Variants in ZMYM4 observed in about 807,000 individuals in gnomAD.
ZMYM4 encodes zinc finger MYM-type protein 4.
Under a neutral mutation model 183.2 loss-of-function variants are expected in ZMYM4, and 31 were observed. The ratio of observed to expected loss-of-function variants is 0.17; its 90% confidence interval spans 0.13 to 0.23. ZMYM4 has a LOEUF of 0.23. Among genes scored for constraint, ZMYM4 ranks in the 10% least tolerant of loss-of-function variants. ZMYM4 has a pLI of 1.00. For synonymous variants in ZMYM4, 592 were observed against 631.2 expected, an observed-to-expected ratio of 0.94 and a Z score of 0.93; for missense variants, 1,273 against 1,840.3, an observed-to-expected ratio of 0.69 and a Z score of 5.64.
chr1:35,385,295 T>C, intron 9 of ZMYM4, 147 bp from the exon 10 acceptor site: 1 of 860,310 alleles, frequency 1.2e-6, no homozygotes, highest in Non-Finnish European at 1.7e-6. Flanking sequence ...ATGTGTACCA[T>C]GAAACTTCCT....
At chr1:35,378,617 A>T (rs1558122474) in intron 7 of ZMYM4, among the ~76,000 whole-genome samples, 1 of 152,206 alleles carries the variant, frequency 6.6e-6, no homozygotes, top group Non-Finnish European at 1.5e-5. Flanking sequence ...AGTTAAAAGT[A>T]GAAGCTGGTG....
chr1:35,382,450 T>G (rs1194027993), intron 9 of ZMYM4, among the ~76,000 whole-genome samples: 1 of 150,890 alleles, frequency 6.6e-6, no homozygotes, highest in Non-Finnish European at 1.5e-5. Flanking sequence ...GTTTTTAGAG[T>G]GTGGCTTTTT....
At position 35,397,404 on chromosome 1, in the gene ZMYM4, T is replaced by G; in HGVS notation, c.3058T>G (p.Ser1020Ala). The G allele has an allele frequency of 1.2e-6, 2 of 1,610,006 alleles. No individual in the cohort carries two copies. The highest frequency in any genetic ancestry group is 1.7e-6 in the Non-Finnish European group (2 of 1,178,220). Reference protein sequence around the residue: ...PMPVPMLIPSSMDSEDKVTES... With the variant: ...PMPVPMLIPSAMDSEDKVTES... Reference sequence around the variant, plus strand: ...GCCTGTCCCTATGCTTATTCCATCTTCAATGGATAGTGAAGATAAAGTCAC... The same window carrying G: ...GCCTGTCCCTATGCTTATTCCATCTGCAATGGATAGTGAAGATAAAGTCAC... Residue 1020 changes from serine to alanine, a missense_variant, in exon 20 of 30, where the codon TCA becomes GCA. Around this residue, in one of 6 missense-constraint regions of ZMYM4, gnomAD observed 290 missense variants for 353.3 expected, o/e 0.82. Transcript: ENST00000314607.
chr1:35,280,000 T>C (rs1007594112), intron 1 of ZMYM4, among the ~76,000 whole-genome samples: 5 of 152,246 alleles, frequency 3.3e-5, no homozygotes, highest in African/African-American at 1.2e-4. Context: ...ACCATGTCTT[T>C]AAGGCAGTCT....
At chr1:35,301,315 G>A (rs1483101858) in intron 1 of ZMYM4, among the ~76,000 whole-genome samples, 1 of 152,156 alleles carries the variant, frequency 6.6e-6, no homozygotes, top group Non-Finnish European at 1.5e-5. Context: ...GGGAGGCCAA[G>A]GCGGGCGGAT....
chr1:35,287,156 A>G (rs1386015654), intron 1 of ZMYM4, among the ~76,000 whole-genome samples: 2 of 148,016 alleles, frequency 1.4e-5, no homozygotes, highest in Admixed American at 6.7e-5. Flanking sequence ...GTGCTCAATA[A>G]GTGTTATTCC....
intron 28 of ZMYM4, 27 bp downstream of exon 28, chr1:35,415,741 T>A (rs369750113): frequency 8.1e-6 from 13 of 1,603,092 alleles, no homozygotes; most frequent in Non-Finnish European, 1.1e-5. Context: ...GTCAGATTTC[T>A]CTTTGAAGTC....
chr1:35,293,931 C>T (rs985413122), intron 1 of ZMYM4, among the ~76,000 whole-genome samples: 2 of 152,024 alleles, frequency 1.3e-5, no homozygotes, highest in East Asian at 1.9e-4. Flanking sequence ...GTCAGGAGAT[C>T]GAGACCATCC....
intron 1 of ZMYM4, among the ~76,000 whole-genome samples, chr1:35,313,085 G>A (rs942480064): frequency 4.6e-5 from 7 of 151,800 alleles, no homozygotes; most frequent in Non-Finnish European, 1.0e-4. Flanking sequence ...GTAGAGACAG[G>A]GTATCACCAT....
intron 2 of ZMYM4, among the ~76,000 whole-genome samples, chr1:35,326,507 A>G (rs1164637052): frequency 1.3e-5 from 2 of 152,212 alleles, no homozygotes; most frequent in Non-Finnish European, 2.9e-5. Context: ...TCATTTATGT[A>G]CTTTTCTGTG....
intron 25 of ZMYM4, among the ~76,000 whole-genome samples, chr1:35,407,005 A>G (rs894669890): frequency 5.3e-5 from 8 of 152,112 alleles, no homozygotes; most frequent in Non-Finnish European, 7.4e-5. Flanking sequence ...GCCTTGTCCT[A>G]TACACCCAAG....
chr1:35,327,494 T>G (rs1233871643), intron 2 of ZMYM4, among the ~76,000 whole-genome samples: 3 of 152,222 alleles, frequency 2.0e-5, no homozygotes, highest in Admixed American at 1.3e-4. Flanking sequence ...GGATCTGTAC[T>G]TTCTTTCTCT....
chr1:35,300,216 T>C (rs184011051), intron 1 of ZMYM4, among the ~76,000 whole-genome samples: 5 of 152,340 alleles, frequency 3.3e-5, no homozygotes, highest in African/African-American at 1.2e-4. Context: ...TTGATTTAGC[T>C]CTGGGAAGTC....
chr1:35,268,856 C>G lies in ZMYM4; in HGVS notation c.-191C>G. ...GCAGGCCCTCCCGCCCACGCGCGGA[C>G]CCGTGGGATCTCAGAAGCTGCGGCC... On this transcript the variant is annotated 5_prime_UTR_variant, in exon 1 of 30. Transcript: ENST00000314607. The G allele has an allele frequency of 1.9e-6, 1 of 513,872 alleles. No homozygotes were observed. The highest frequency in any genetic ancestry group is 4.0e-5 in the East Asian group (1 of 24,842). The allele number at this position is 513,872 out of a possible 1,614,324, so 31.8% of individuals were successfully genotyped here.
chr1:35,331,791 A>AAAATACAT (rs1553168582), intron 2 of ZMYM4, among the ~76,000 whole-genome samples: 4 of 84,428 alleles, frequency 4.7e-5, no homozygotes, highest in Non-Finnish European at 9.7e-5. Context: ...CTCCATCTCA[A>AAAATACAT]AAATACATAA....
intron 9 of ZMYM4, 59 bp from the exon 10 acceptor site, chr1:35,385,383 A>C (rs1570493387): frequency 1.3e-6 from 2 of 1,529,404 alleles, no homozygotes; most frequent in East Asian, 4.6e-5. Context: ...AACATTTCGA[A>C]GAATTATGCT....
At chr1:35,411,505 C>T (rs967142629) in intron 26 of ZMYM4, among the ~76,000 whole-genome samples, 12 of 152,240 alleles carry the variant, frequency 7.9e-5, no homozygotes, top group African/African-American at 2.9e-4. Flanking sequence ...CACAGTTTTG[C>T]AACTTACATT....
At position 35,413,059 on chromosome 1, in the gene ZMYM4, A is replaced by G. The variant is rs927708639; in HGVS notation, c.3949-913A>G. Among the ~76,000 whole-genome samples, 8 of 152,072 alleles carry G rather than the reference A, an allele frequency of 5.3e-5. No homozygotes were observed. In the East Asian group the frequency reaches 1.5e-3, roughly 29 times the overall value. On this transcript the variant is annotated intron_variant, in intron 26 of 29. Transcript: ENST00000314607. ...GACCTGCGCCGTCAGTACTTTTTAAAAGAGACAGGGTCTTGCTCTGTTACC... is the reference window on the plus strand; with the variant it reads ...GACCTGCGCCGTCAGTACTTTTTAAGAGAGACAGGGTCTTGCTCTGTTACC...
intron 1 of ZMYM4, among the ~76,000 whole-genome samples, chr1:35,304,708 A>G (rs373342287): frequency 3.3e-5 from 5 of 151,328 alleles, no homozygotes; most frequent in East Asian, 3.9e-4. Context: ...GCCTCAAGCA[A>G]TCTTCCCACC....
Sources: allele counts gnomAD v4.1 joint callset (sites outside exome capture counted in the v4.1 genomes callset), GRCh38; gene constraint gnomAD v4.1.1; regional missense constraint gnomAD v4.1.1; transcripts MANE v1.5; gene names NCBI Gene and HGNC (gene_info 2026-07-23, HGNC 2026-07-21).